The following ASAP1 variants were observed in gnomAD, a reference collection of about 807,000 sequenced individuals.
ASAP1 encodes the protein ArfGAP with SH3 domain, ankyrin repeat and PH domain 1, also known as arf-GAP with SH3 domain, ANK repeat and PH domain-containing protein 1.
ASAP1 carries 43 observed loss-of-function variants against 145.2 expected under a neutral mutation model. The observed-to-expected ratio is 0.30, with a 90% confidence interval of 0.23 to 0.38. ASAP1 has a LOEUF of 0.38. Among genes scored for constraint, ASAP1 ranks in the 10% least tolerant of loss-of-function variants. The pLI is 1.00. For synonymous variants in ASAP1, 546 were observed against 515.5 expected (o/e 1.06, Z -0.80); for missense variants, 1,018 against 1,355.3 (o/e 0.75, Z 3.91).
intron 24 of ASAP1, among the ~76,000 whole-genome samples, chr8:130,102,505 T>C (rs2097530406): frequency 6.6e-6 from 1 of 152,190 alleles, no homozygotes. Context: ...TGTTAGTATT[T>C]GGTTAGGATT....
At chr8:130,168,627 A>C (rs1428541217) in intron 10 of ASAP1, among the ~76,000 whole-genome samples, 2 of 152,156 alleles carry the variant, frequency 1.3e-5, no homozygotes, top group African/African-American at 2.4e-5. Flanking sequence ...CAAAAACCCC[A>C]AAAAACTCTA....
At chr8:130,431,749 C>T (rs1830140985) in intron 1 of ASAP1, among the ~76,000 whole-genome samples, 1 of 151,466 alleles carries the variant, frequency 6.6e-6, no homozygotes, top group African/African-American at 2.4e-5. Context: ...TCCAGGATAG[C>T]AGAGTATGCA....
chr8:130,200,308 T>C (rs1815785775), intron 5 of ASAP1, among the ~76,000 whole-genome samples: 1 of 152,174 alleles, frequency 6.6e-6, no homozygotes, highest in African/African-American at 2.4e-5. Flanking sequence ...GGGCATTCTA[T>C]ACAGTTTTTA....
chr8:130,108,381 T>C (rs940277611), intron 24 of ASAP1, among the ~76,000 whole-genome samples: 55 of 152,238 alleles, frequency 3.6e-4, no homozygotes, highest in Non-Finnish European at 2.2e-4. Context: ...AAAAGGTTAG[T>C]TCTTTTAAGC....
intron 5 of ASAP1, among the ~76,000 whole-genome samples, chr8:130,198,450 C>G (rs1216202980): frequency 1.3e-5 from 2 of 152,116 alleles, no homozygotes; most frequent in African/African-American, 4.8e-5. Flanking sequence ...CTTTTTATTG[C>G]ACCACATTCT....
chr8:130,443,432 G>A (rs1171381517), intron 1 of ASAP1, 28 bp downstream of exon 1: 3 of 151,018 alleles, frequency 2.0e-5, no homozygotes, highest in Non-Finnish European at 4.4e-5. Context: ...CGGCCCCGCC[G>A]AGCGCGCCCG....
intron 4 of ASAP1, among the ~76,000 whole-genome samples, chr8:130,217,484 C>T (rs919755727): frequency 4.0e-5 from 6 of 151,344 alleles, no homozygotes; most frequent in African/African-American, 1.2e-4. Flanking sequence ...TATATACACA[C>T]GTATATATGT....
chr8:130,233,387 A>G (rs1818025687), intron 4 of ASAP1, among the ~76,000 whole-genome samples: 1 of 152,206 alleles, frequency 6.6e-6, no homozygotes, highest in East Asian at 1.9e-4. Context: ...GAAGACAAAT[A>G]CAGAGTACCT....
In ASAP1 at chr8:130,091,978, G is replaced by A. The variant is rs933075970; in HGVS notation, c.2567C>T (p.Pro856Leu). The A allele has an allele frequency of 1.3e-6, 2 of 1,550,184 alleles. No homozygotes were observed. The highest frequency in any genetic ancestry group is 1.4e-5 in the African/African-American group (1 of 70,814). ...PHGPPNKGAVPWGNDGGPSSS... is the reference protein window; with the variant it reads ...PHGPPNKGAVLWGNDGGPSSS... ...CTGACTTTAGGATAACTTACCCCAA[G>A]GAACTGCGCCTTTGTTTGGGGGCCC... The change falls in exon 25 of 30, where the codon CCT (proline) becomes CTT (leucine). Residue 856 changes from proline to leucine, a missense_variant. Physicochemically the swap from Pro to Leu is moderately conservative, Grantham distance 98. Coordinates refer to ENST00000518721, the MANE Select transcript of ASAP1 (RefSeq NM_018482.4).
chr8:130,225,303 G>A (rs947299079), intron 4 of ASAP1, among the ~76,000 whole-genome samples: 1 of 152,124 alleles, frequency 6.6e-6, no homozygotes, highest in African/African-American at 2.4e-5. Context: ...GTATGCAAAA[G>A]ACTTTTTTGG....
intron 3 of ASAP1, among the ~76,000 whole-genome samples, chr8:130,246,107 T>TAA (rs1375607254): frequency 1.3e-5 from 2 of 152,074 alleles, no homozygotes; most frequent in African/African-American, 2.4e-5. Flanking sequence ...AAGGAAGTCT[T>TAA]ACAAAGTCCT....
intron 3 of ASAP1, among the ~76,000 whole-genome samples, chr8:130,272,803 G>T (rs191277040): frequency 6.6e-6 from 1 of 152,124 alleles, no homozygotes. Context: ...AAAATGTTGA[G>T]GTAGAAAGTG....
intron 2 of ASAP1, among the ~76,000 whole-genome samples, chr8:130,388,201 G>T (rs542272238): frequency 6.6e-6 from 1 of 152,202 alleles, no homozygotes; most frequent in African/African-American, 2.4e-5. Flanking sequence ...GGAACAGAAC[G>T]GAGGCCAATG....
intron 1 of ASAP1, among the ~76,000 whole-genome samples, chr8:130,424,408 C>T (rs904986591): frequency 2.6e-5 from 4 of 152,228 alleles, no homozygotes; most frequent in Non-Finnish European, 5.9e-5. Flanking sequence ...GGAGAGCACT[C>T]CACTTCCCAA....
chr8:130,063,776 C>G (rs1432333124), intron 27 of ASAP1, among the ~76,000 whole-genome samples: 2 of 152,182 alleles, frequency 1.3e-5, no homozygotes, highest in Non-Finnish European at 2.9e-5. Flanking sequence ...AAAAGGGTTA[C>G]CATTCCACCC....
intron 1 of ASAP1, among the ~76,000 whole-genome samples, chr8:130,429,470 T>C (rs1382858232): frequency 1.3e-5 from 2 of 152,164 alleles, no homozygotes; most frequent in Non-Finnish European, 2.9e-5. Flanking sequence ...AAACTAAGGC[T>C]CAAAGAGGTT....
intron 3 of ASAP1, among the ~76,000 whole-genome samples, chr8:130,242,151 T>C (rs977785398): frequency 6.7e-6 from 1 of 148,816 alleles, no homozygotes; most frequent in African/African-American, 2.5e-5. Context: ...TGCTCAAAAA[T>C]GACCAGCTAT....
intron 1 of ASAP1, among the ~76,000 whole-genome samples, chr8:130,410,830 A>G (rs974887078): frequency 1.8e-4 from 27 of 152,184 alleles, no homozygotes; most frequent in African/African-American, 6.3e-4. Context: ...ATCTTGAGTG[A>G]TGAAAAATCA....
chr8:130,307,669 T>G (rs919046249), intron 3 of ASAP1, among the ~76,000 whole-genome samples: 2 of 152,242 alleles, frequency 1.3e-5, no homozygotes, highest in African/African-American at 2.4e-5. Flanking sequence ...CAAGTGATCA[T>G]CTAACAGCTT....
Sources: allele counts gnomAD v4.1 joint callset (sites outside exome capture counted in the v4.1 genomes callset), GRCh38; gene constraint gnomAD v4.1.1; transcripts MANE v1.5; gene names NCBI Gene and HGNC (gene_info 2026-07-23, HGNC 2026-07-21).